USP22: variants seen among roughly 807,000 people sequenced by gnomAD.
USP22 encodes ubiquitin specific peptidase 22.
A neutral mutation model predicts 68.1 loss-of-function variants in USP22; 22 were observed. That is an observed-to-expected ratio of 0.32 (90% CI 0.23 to 0.46). The LOEUF (loss-of-function observed/expected upper bound fraction) is 0.46, where lower values mean the gene tolerates loss of function less well. Among genes scored for constraint, USP22 ranks in the 20% least tolerant of loss-of-function variants. USP22 has a pLI of 1.00. For synonymous variants in USP22, 279 were observed against 274.2 expected (o/e 1.02, Z -0.17); for missense variants, 433 against 695.8 (o/e 0.62, Z 4.25).
At chr17:21,031,290 G>A (rs1407792546) in intron 1 of USP22, among the ~76,000 whole-genome samples, 1 of 152,136 alleles carries the variant, frequency 6.6e-6, no homozygotes, top group African/African-American at 2.4e-5. Context: ...CTTGTAAAAA[G>A]AATAAACTAT....
At chr17:21,007,736 C>T in intron 9 of USP22, 134 bp downstream of exon 9, 5 of 1,156,380 alleles carry the variant, frequency 4.3e-6, no homozygotes, top group Non-Finnish European at 6.2e-6. Flanking sequence ...CCCTCACACC[C>T]TCCCTTCCTC....
At chr17:21,037,136 G>C (rs919991721) in intron 1 of USP22, among the ~76,000 whole-genome samples, 1 of 152,204 alleles carries the variant, frequency 6.6e-6, no homozygotes, top group African/African-American at 2.4e-5. Context: ...AAACCACACA[G>C]CACTGGATGA....
intron 11 of USP22, 76 bp from the exon 12 acceptor site, chr17:21,004,427 AG>A: frequency 6.4e-7 from 1 of 1,566,018 alleles, no homozygotes; most frequent in Non-Finnish European, 8.7e-7. Flanking sequence ...ATCAGAAACC[AG>A]GCAGCCCAGG....
In USP22 at chr17:21,002,697, G is replaced by A. The variant is rs991675845; in HGVS notation, c.*334C>T. ...CTTTCCACACCGAGTGCTGGGGAAC[G>A]CCAGGCAGCGGTCACTCTGTGCTGT... is the stretch of plus-strand genomic sequence containing the variant. On this transcript the variant is annotated 3_prime_UTR_variant, in exon 13 of 13. Transcript: ENST00000261497. 29 of 317,692 alleles carry A rather than the reference G, an allele frequency of 9.1e-5. No individual in the cohort carries two copies. Among genetic ancestry groups the A allele is most frequent in the African/African-American group, 3.9e-4 (18 of 46,472 alleles). The allele number at this position is 317,692 out of a possible 1,614,324, so 19.7% of individuals were successfully genotyped here. A position where few individuals can be genotyped will look rare whatever the true frequency, so the allele number is the denominator to read the frequency against.
chr17:21,004,154 AAGCACCGT>A, intron 12 of USP22, 40 bp downstream of exon 12: 1 of 1,598,654 alleles, frequency 6.3e-7, no homozygotes, highest in Non-Finnish European at 8.5e-7. Context: ...ACCGGAGGGG[AAGCACCGT>A]AGCCACCGTA....
intron 2 of USP22, among the ~76,000 whole-genome samples, chr17:21,021,609 T>C (rs1332610023): frequency 5.3e-5 from 8 of 152,234 alleles, no homozygotes; most frequent in Admixed American, 5.2e-4. Context: ...TCCCTCCATC[T>C]AGAATTCCTG....
At chr17:21,016,002 G>T (rs770320875) in intron 5 of USP22, 103 bp from the exon 6 acceptor site, 7 of 1,390,310 alleles carry the variant, frequency 5.0e-6, no homozygotes, top group Admixed American at 6.0e-5. Flanking sequence ...CATTGGCTGT[G>T]GCTCATTTGA....
rs187223544 is a variant in USP22, at chr17:21,006,857, G to A, written c.1322+39C>T. On this transcript the variant is annotated intron_variant, in intron 10 of 12. Transcript: ENST00000261497. ...GGATTCCTGTCCTGATAGGATCACA[G>A]CCCCTCAGGACACAGAACGGGCCTA... The A allele has an allele frequency of 1.3e-4, 188 of 1,495,772 alleles. 2 individuals carry two copies. In the East Asian group the frequency reaches 4.2e-3, roughly 34 times the overall value. The allele number at this position is 1,495,772 out of a possible 1,614,324, so 92.7% of individuals were successfully genotyped here. A position where few individuals can be genotyped will look rare whatever the true frequency, so the allele number is the denominator to read the frequency against.
intron 4 of USP22, among the ~76,000 whole-genome samples, chr17:21,018,758 C>T (rs926616024): frequency 1.3e-5 from 2 of 152,090 alleles, no homozygotes; most frequent in African/African-American, 4.8e-5. Context: ...ATTCAGCGAA[C>T]ACTTACACTC....
intron 2 of USP22, among the ~76,000 whole-genome samples, chr17:21,024,404 G>T (rs879929369): frequency 6.6e-6 from 1 of 152,088 alleles, no homozygotes; most frequent in Non-Finnish European, 1.5e-5. Flanking sequence ...CGCTCCCACT[G>T]CATAAAACCA....
intron 6 of USP22, 139 bp from the exon 7 acceptor site, chr17:21,013,074 T>C: frequency 1.6e-6 from 1 of 631,816 alleles, no homozygotes; most frequent in Non-Finnish European, 2.8e-6. Flanking sequence ...CTCCTCATTT[T>C]AGCAGAGGGT....
intron 1 of USP22, among the ~76,000 whole-genome samples, chr17:21,034,505 G>T (rs559920594): frequency 1.3e-5 from 2 of 152,290 alleles, no homozygotes; most frequent in Middle Eastern, 3.4e-3. Context: ...ACATGGAAAT[G>T]CCAGAAATAA....
Position 21,028,595 on chromosome 17 carries a change from C to T in USP22, c.251G>A (p.Cys84Tyr). Residue 84 changes from cysteine (C) to tyrosine (Y), a missense_variant, in exon 2 of 13, where the codon TGT (cysteine) becomes TAT (tyrosine). Physicochemically the swap from Cys to Tyr is radical, Grantham distance 194. Coordinates refer to ENST00000261497, the MANE Select transcript of USP22 (RefSeq NM_015276.2). ...CTCGTGAATATGCTTCTTTGTGAAA[C>T]AGCCGAAGAAGACACAGTAGAGGCA... ...HSCLYCVFFG[C>Y]FTKKHIHEHA... is the part of the protein sequence containing the mutation. 6.2e-7 allele frequency: 1 copy of T among 1,614,094 alleles called. No homozygotes were observed.
rs1311697764 is a variant in USP22 at position 21,002,405 on chromosome 17, A to G, written c.*626T>C. ...GGATAAGAAAATGCCTGTTTCTAGA[A>G]AACCGCGAGATGCTTCCACGTGCAG... On this transcript the variant is annotated 3_prime_UTR_variant, in exon 13 of 13. Transcript: ENST00000261497. 2 of 152,344 alleles carry G rather than the reference A, an allele frequency of 1.3e-5. No homozygotes were observed. Among genetic ancestry groups the G allele is most frequent in the African/African-American group, 4.8e-5 (2 of 41,466 alleles). The allele number at this position is 152,344 out of a possible 1,614,324, so 9.4% of individuals were successfully genotyped here.
chr17:21,003,934 G>A (rs550258073), intron 12 of USP22, among the ~76,000 whole-genome samples: 3 of 150,314 alleles, frequency 2.0e-5, no homozygotes, highest in African/African-American at 7.3e-5. Flanking sequence ...GAACTGATGT[G>A]TTCAGTTCAC....
rs140209902 is a variant in USP22, at chr17:21,013,289, G to A, written c.839-354C>T. Among the ~76,000 whole-genome samples, 666 of 152,276 alleles carry A rather than the reference G, an allele frequency of 4.4e-3. 7 individuals are homozygous for A. The highest frequency in any genetic ancestry group is 0.015 in the African/African-American group (631 of 41,550). The stretch of plus-strand genomic sequence containing the variant: ...GTTCCAGTGAGACAGCTGAACATAT[G>A]GTGGGCCAGGTACACCCGGGGAAGC... On this transcript the variant is annotated intron_variant, in intron 6 of 12. Transcript: ENST00000261497.
chr17:21,031,866 A>C (rs1972295319), intron 1 of USP22, among the ~76,000 whole-genome samples: 1 of 152,256 alleles, frequency 6.6e-6, no homozygotes, highest in Non-Finnish European at 1.5e-5. Context: ...TTATGGAGCC[A>C]ACACAGCTAA....
At chr17:21,008,149 A>G (rs539609355) in intron 8 of USP22, among the ~76,000 whole-genome samples, 153 bp from the exon 9 acceptor site, 9 of 152,336 alleles carry the variant, frequency 5.9e-5, no homozygotes, top group African/African-American at 7.2e-5. Flanking sequence ...AAAAGAGAAA[A>G]TGTTGTCCAC....
intron 3 of USP22, among the ~76,000 whole-genome samples, chr17:21,019,527 C>A (rs1387312862): frequency 6.6e-6 from 1 of 152,262 alleles, no homozygotes; most frequent in Non-Finnish European, 1.5e-5. Context: ...TGGGAACTTA[C>A]ATGAAGGATT....
Sources: gnomAD v4.1 joint callset for allele counts (sites outside exome capture counted in the v4.1 genomes callset) on GRCh38, gnomAD v4.1.1 for gene constraint, MANE v1.5 for transcripts, NCBI Gene and HGNC (gene_info 2026-07-23, HGNC 2026-07-21) for gene names.